Variants in METAP1 observed in about 807,000 individuals in gnomAD.
METAP1 encodes methionine aminopeptidase 1.
Under a neutral mutation model 53.8 loss-of-function variants are expected in METAP1, and 28 were observed. The ratio of observed to expected loss-of-function variants is 0.52; its 90% CI spans 0.39 to 0.71. The LOEUF is 0.71. METAP1 is among the 30% of genes least tolerant of loss of function. The pLI is 0.00. For synonymous variants in METAP1, 181 were observed against 165.7 expected, an observed-to-expected ratio of 1.09 and a Z score of -0.71; for missense variants, 389 against 479.8, an observed-to-expected ratio of 0.81 and a Z score of 1.77.
chr4:99,005,664 C>T (rs148626275), intron 1 of METAP1: 1 of 276,692 alleles, frequency 3.6e-6, no homozygotes, highest in East Asian at 1.0e-4. Context: ...AGATAGGGAA[C>T]CAACCTAAGT....
chr4:99,008,417 A>G (rs1424368662), intron 1 of METAP1, among the ~76,000 whole-genome samples: 1 of 152,232 alleles, frequency 6.6e-6, no homozygotes, highest in Admixed American at 6.5e-5. Context: ...TTCCTGTTAA[A>G]TATATTGTTA....
chr4:99,051,775 GT>G (rs1022837077), intron 9 of METAP1, among the ~76,000 whole-genome samples: 41 of 145,926 alleles, frequency 2.8e-4, no homozygotes, highest in African/African-American at 5.0e-4. Context: ...ACTATTGAGG[GT>G]TTTTTTTTTT....
chr4:99,060,800 A>G (rs1057175196), intron 10 of METAP1, among the ~76,000 whole-genome samples: 4 of 152,218 alleles, frequency 2.6e-5, no homozygotes, highest in Admixed American at 6.5e-5. Flanking sequence ...ACATATTCAT[A>G]GGGTACATAG....
intron 1 of METAP1, among the ~76,000 whole-genome samples, chr4:99,020,709 C>A (rs919216416): frequency 1.3e-5 from 2 of 152,180 alleles, no homozygotes; most frequent in African/African-American, 4.8e-5. Context: ...TGAAGACATA[C>A]AACTTTTGCT....
intron 1 of METAP1, chr4:99,025,544 CACAGGATTTT>C (rs1724500913): frequency 1.1e-6 from 1 of 881,660 alleles, no homozygotes; most frequent in South Asian, 5.2e-5. Flanking sequence ...AAAAGCATTT[CACAGGATTTT>C]AATGAGGAGC....
chr4:99,060,664 A>G (rs1353763585), intron 10 of METAP1, among the ~76,000 whole-genome samples: 7 of 152,090 alleles, frequency 4.6e-5, no homozygotes, highest in Non-Finnish European at 8.8e-5. Context: ...CGCCTGGCCA[A>G]GCATATGCTT....
At chr4:99,008,290 T>C (rs1340361441) in intron 1 of METAP1, among the ~76,000 whole-genome samples, 2 of 152,182 alleles carry the variant, frequency 1.3e-5, no homozygotes, top group Admixed American at 1.3e-4. Context: ...GCAAGTAGAT[T>C]AGCAGCTTTA....
intron 2 of METAP1, chr4:99,031,408 T>C: frequency 2.4e-6 from 3 of 1,248,316 alleles, no homozygotes; most frequent in Non-Finnish European, 3.1e-6. Context: ...TAGCCAAAAT[T>C]AAGGTATAAA....
At position 99,048,877 on chromosome 4, in the gene METAP1, G is replaced by C; in HGVS notation, c.931+1G>C. On this transcript the variant is annotated splice_donor_variant, in intron 9 of 10. Coordinates refer to ENST00000296411, the MANE Select transcript of METAP1 (RefSeq NM_015143.3). LOFTEE classifies it high-confidence loss of function. ...GCTCCCAATGTACCCCACTATGCTA[G>C]TAAGTACTATCCAGAGATTTGGTAT... The C allele has an allele frequency of 6.2e-7, 1 of 1,613,614 alleles. No individual in the cohort carries two copies. Among genetic ancestry groups the C allele is most frequent in the Non-Finnish European group, 8.5e-7 (1 of 1,179,748 alleles).
intron 9 of METAP1, among the ~76,000 whole-genome samples, chr4:99,054,306 G>A (rs1411754704): frequency 6.6e-6 from 1 of 152,168 alleles, no homozygotes; most frequent in African/African-American, 2.4e-5. Context: ...GCACTTTTAT[G>A]TAATGGAGAC....
At chr4:99,030,870 A>G (rs1724962107) in intron 2 of METAP1, among the ~76,000 whole-genome samples, 1 of 151,150 alleles carries the variant, frequency 6.6e-6, no homozygotes, top group South Asian at 2.1e-4. Flanking sequence ...AATATATTTG[A>G]CTGGTTTTGG....
rs781187922 is a variant in METAP1, at chr4:99,039,472, G to C, written c.432+7G>C. ...GATGCGACTTGTATGTAGGGTAAGAGTGATTTTTTCTCCATGGGGTAGGAA... is the reference window on the plus strand; with the variant it reads ...GATGCGACTTGTATGTAGGGTAAGACTGATTTTTTCTCCATGGGGTAGGAA... On this transcript the variant is annotated splice_region_variant and intron_variant, in intron 5 of 10. Transcript: ENST00000296411. The C allele has an allele frequency of 1.3e-6, 2 of 1,561,990 alleles. No homozygotes were observed. Among genetic ancestry groups the C allele is most frequent in the Non-Finnish European group, 1.8e-6 (2 of 1,136,318 alleles).
At chr4:99,035,322 C>G in intron 3 of METAP1, 78 bp from the exon 4 acceptor site, 1 of 1,029,732 alleles carries the variant, frequency 9.7e-7, no homozygotes, top group Non-Finnish European at 1.5e-6. Flanking sequence ...CTTCTAAAAA[C>G]TTTTGAATGG....
intron 1 of METAP1, chr4:99,022,893 T>C (rs1214381108): frequency 5.3e-6 from 8 of 1,515,894 alleles, no homozygotes; most frequent in Non-Finnish European, 6.2e-6. Context: ...CACAAACCAG[T>C]CCTCAGCCTG....
intron 1 of METAP1, among the ~76,000 whole-genome samples, chr4:99,017,762 A>G (rs1188405600): frequency 6.6e-6 from 1 of 152,240 alleles, no homozygotes; most frequent in African/African-American, 2.4e-5. Context: ...GTATCCCCCA[A>G]AGGTAATCTT....
chr4:99,019,495 T>C (rs1440974994), intron 1 of METAP1, among the ~76,000 whole-genome samples: 2 of 152,190 alleles, frequency 1.3e-5, no homozygotes, highest in African/African-American at 4.8e-5. Context: ...AGATCCTTTG[T>C]TTTAGTTTCT....
chr4:99,051,790 T>C (rs1726731982), intron 9 of METAP1, among the ~76,000 whole-genome samples: 1 of 152,074 alleles, frequency 6.6e-6, no homozygotes, highest in Non-Finnish European at 1.5e-5. Context: ...TTTTTTTGTA[T>C]AGCAGAGATA....
intron 1 of METAP1, among the ~76,000 whole-genome samples, chr4:99,021,427 G>A (rs1724100556): frequency 6.6e-6 from 1 of 152,114 alleles, no homozygotes; most frequent in African/African-American, 2.4e-5. Context: ...TGGGGCTGCT[G>A]CAGCAGGGCA....
At chr4:99,016,602 C>T (rs572220645) in intron 1 of METAP1, among the ~76,000 whole-genome samples, 3 of 152,312 alleles carry the variant, frequency 2.0e-5, no homozygotes, top group African/African-American at 7.2e-5. Context: ...AAGGAGTGGC[C>T]TCTACCCAAT....
Sources: allele counts gnomAD v4.1 joint callset (sites outside exome capture counted in the v4.1 genomes callset), GRCh38; gene constraint gnomAD v4.1.1; transcripts MANE v1.5; gene names NCBI Gene and HGNC (gene_info 2026-07-23, HGNC 2026-07-21).